The following KIF26B variants were observed in gnomAD, a reference collection of about 807,000 sequenced individuals.
KIF26B encodes kinesin-like protein KIF26B.
A neutral mutation model predicts 151.2 loss-of-function variants in KIF26B; 63 were observed. The ratio of observed to expected loss-of-function variants is 0.42; its 90% CI spans 0.34 to 0.51. The LOEUF is 0.51. Ranked by LOEUF, KIF26B falls within the 20% of genes least tolerant of loss-of-function variation. The pLI is 0.07. For synonymous variants in KIF26B, 1,357 were observed against 1,262.1 expected (o/e 1.08, Z -1.59); for missense variants, 2,813 against 2,913.6 (o/e 0.97, Z 0.79).
At chr1:245,309,697 GAT>G (rs889351406) in intron 2 of KIF26B, among the ~76,000 whole-genome samples, 5 of 147,016 alleles carry the variant, frequency 3.4e-5, no homozygotes, top group African/African-American at 4.9e-5. Context: ...TATATATAGT[GAT>G]ATATATATAT....
intron 4 of KIF26B, among the ~76,000 whole-genome samples, chr1:245,446,040 A>ATTGT (rs1271997789): frequency 6.6e-6 from 1 of 152,204 alleles, no homozygotes; most frequent in Non-Finnish European, 1.5e-5. Context: ...TGAGAGAGGC[A>ATTGT]TTGTTAGGTG....
chr1:245,300,751 GCTCCTGAC>G (rs1468584658), intron 2 of KIF26B, among the ~76,000 whole-genome samples: 1 of 146,244 alleles, frequency 6.8e-6, no homozygotes, highest in Non-Finnish European at 1.5e-5. Context: ...CTGGTCTCGA[GCTCCTGAC>G]CTCTGGTGAT....
chr1:245,359,794 G>A (rs1357487586), intron 2 of KIF26B, among the ~76,000 whole-genome samples: 1 of 151,028 alleles, frequency 6.6e-6, no homozygotes, highest in Non-Finnish European at 1.5e-5. Flanking sequence ...CACCTGCCTT[G>A]CTTTGGGCTC....
At position 245,375,867 on chromosome 1, in the gene KIF26B, G is replaced by A. The variant is rs4658760; in HGVS notation, c.999+8500G>A. ...AACCCCGTTACCCTGCGGATCGGCCGGTCCATGCACAAGTCAGATTCTTTC... is the reference window on the plus strand; with the variant it reads ...AACCCCGTTACCCTGCGGATCGGCCAGTCCATGCACAAGTCAGATTCTTTC... On this transcript the variant is annotated intron_variant, in intron 3 of 14. Coordinates refer to ENST00000407071, the MANE Select transcript of KIF26B (RefSeq NM_018012.4). This position sits in a 1 kb window ranked among gnomAD's most constrained non-coding sequence, Gnocchi z 4.2. Among the ~76,000 whole-genome samples, 6,525 of 152,112 alleles carry A rather than the reference G, an allele frequency of 0.043. 205 individuals carry two copies. Among genetic ancestry groups the A allele is most frequent in the African/African-American group, 0.081 (3,359 of 41,486 alleles).
intron 4 of KIF26B, among the ~76,000 whole-genome samples, chr1:245,420,060 C>T (rs919143569): frequency 6.6e-5 from 10 of 152,274 alleles, no homozygotes; most frequent in African/African-American, 1.7e-4. Flanking sequence ...GGTCGAGAGT[C>T]GCTGCTCTCT....
chr1:245,155,613 G>A, intron 1 of KIF26B, 126 bp downstream of exon 1: 4 of 815,162 alleles, frequency 4.9e-6, no homozygotes, highest in Non-Finnish European at 7.5e-6. Context: ...CCCCGGGGCT[G>A]GCGGGGTTGT....
intron 4 of KIF26B, among the ~76,000 whole-genome samples, chr1:245,538,947 A>G (rs1012846578): frequency 3.3e-5 from 5 of 152,132 alleles, no homozygotes; most frequent in African/African-American, 1.2e-4. Flanking sequence ...TGGTCATTGA[A>G]TAATTCCATT....
chr1:245,305,754 T>C lies in KIF26B; in HGVS notation c.466-61080T>C, dbSNP rs1021165498. On this transcript the variant is annotated intron_variant, in intron 2 of 14. Coordinates refer to ENST00000407071, the MANE Select transcript of KIF26B (RefSeq NM_018012.4). ...GAGATCGAGACCATCCTGGCTAACA[T>C]GGTGAAACCCCGTCTCTACTAAAAA... 4.6e-5 allele frequency among the ~76,000 whole-genome samples: 7 copies of C among 151,890 alleles called. No homozygotes were observed. The South Asian group carries it at 6.2e-4, about 14-fold the overall frequency.
intron 2 of KIF26B, among the ~76,000 whole-genome samples, chr1:245,286,154 T>C (rs749778032): frequency 6.6e-6 from 1 of 152,108 alleles, no homozygotes; most frequent in African/African-American, 2.4e-5. Context: ...TTCTTACAAC[T>C]TACTCATCAT....
chr1:245,509,397 C>G (rs1660786579), intron 4 of KIF26B, among the ~76,000 whole-genome samples: 1 of 152,138 alleles, frequency 6.6e-6, no homozygotes, highest in Admixed American at 6.5e-5. Flanking sequence ...ATGAGCGTTC[C>G]AGGTAAAGGG....
Position 245,611,866 on chromosome 1 carries a change from C to T in KIF26B, c.1988C>T (p.Ser663Phe). Residue 663 changes from serine to phenylalanine, a missense_variant, in exon 9 of 15, where the codon TCC becomes TTC. Around this residue, in one of 3 missense-constraint regions of KIF26B, gnomAD observed 2,060 missense variants for 2,088.6 expected, o/e 0.99. Coordinates refer to ENST00000407071, the MANE Select transcript of KIF26B (RefSeq NM_018012.4). Reference protein sequence around the residue: ...AAFFLDAAIASRRSHQQDCDE... With the variant: ...AAFFLDAAIAFRRSHQQDCDE... ...TTTTTCCTGGATGCCGCCATTGCCT[C>T]CCGCAGGAGCCACCAACAGGACTGT... 6.2e-7 allele frequency: 1 copy of T among 1,613,860 alleles called. No homozygotes were observed. Among genetic ancestry groups the T allele is most frequent in the Non-Finnish European group, 8.5e-7 (1 of 1,179,884 alleles).
intron 4 of KIF26B, among the ~76,000 whole-genome samples, chr1:245,458,124 A>G (rs960695951): frequency 1.1e-4 from 16 of 152,136 alleles, no homozygotes; most frequent in African/African-American, 3.9e-4. Flanking sequence ...TCAACTATTC[A>G]TTTGACAAGT....
chr1:245,195,581 G>A (rs148082958), intron 2 of KIF26B, among the ~76,000 whole-genome samples: 559 of 152,292 alleles, frequency 3.7e-3, no homozygotes, highest in Middle Eastern at 6.8e-3. Flanking sequence ...TCTCCTCAGC[G>A]GAGGTCACTT....
At chr1:245,414,541 C>T (rs1039892113) in intron 3 of KIF26B, among the ~76,000 whole-genome samples, 4 of 152,180 alleles carry the variant, frequency 2.6e-5, no homozygotes, top group African/African-American at 9.7e-5. Flanking sequence ...AGTGACCAAG[C>T]TTCAGCTCCT....
At chr1:245,568,129 G>A (rs1471896115) in intron 5 of KIF26B, among the ~76,000 whole-genome samples, 1 of 135,218 alleles carries the variant, frequency 7.4e-6, no homozygotes, top group African/African-American at 2.7e-5. Context: ...AGGTTGCAGT[G>A]AGCCGAGATC....
intron 4 of KIF26B, among the ~76,000 whole-genome samples, chr1:245,501,819 CT>C (rs1181400724): frequency 6.6e-6 from 1 of 152,224 alleles, no homozygotes; most frequent in African/African-American, 2.4e-5. Flanking sequence ...AAATTTGGCT[CT>C]GCTGCACTTC....
At chr1:245,531,796 C>A (rs984420898) in intron 4 of KIF26B, among the ~76,000 whole-genome samples, 1 of 152,162 alleles carries the variant, frequency 6.6e-6, no homozygotes, top group Non-Finnish European at 1.5e-5. Context: ...TAAGATAGAT[C>A]ATCTCAAGAC....
chr1:245,452,821 T>C (rs1461138871), intron 4 of KIF26B, among the ~76,000 whole-genome samples: 1 of 152,204 alleles, frequency 6.6e-6, no homozygotes, highest in Non-Finnish European at 1.5e-5. Flanking sequence ...TCTTTATATA[T>C]TCTGGATACA....
At position 245,156,541 on chromosome 1, in the gene KIF26B, C is replaced by T; in HGVS notation, c.323C>T (p.Thr108Ile). The T allele has an allele frequency of 6.5e-7, 1 of 1,536,654 alleles. No individual in the cohort carries two copies. Reference protein sequence around the residue: ...GSLGGSPGFGTGSPGSGSGGG... With the variant: ...GSLGGSPGFGIGSPGSGSGGG... ...TTGGGCGGCTCTCCGGGCTTCGGCA[C>T]AGGCTCCCCGGGCTCCGGCAGCGGC... The change falls in exon 2 of 15, where the codon ACA (threonine) becomes ATA (isoleucine). Residue 108 changes from threonine to isoleucine, a missense_variant. This residue lies in a region of KIF26B where 676 missense variants were observed against 688.1 expected (regional missense o/e 0.98). Transcript: ENST00000407071.
Sources: gnomAD v4.1 joint callset for allele counts (sites outside exome capture counted in the v4.1 genomes callset) on GRCh38, gnomAD v4.1.1 for gene constraint, gnomAD v4.1.1 regional missense constraint, Gnocchi (gnomAD v3.1) non-coding constraint, MANE v1.5 for transcripts, NCBI Gene and HGNC (gene_info 2026-07-23, HGNC 2026-07-21) for gene names.